The following BMP2K variants were observed in gnomAD, a reference collection of about 807,000 sequenced individuals.
BMP2K encodes BMP-2-inducible protein kinase.
A neutral mutation model predicts 116.0 loss-of-function variants in BMP2K; 74 were observed. The observed-to-expected ratio is 0.64, with a 90% CI of 0.53 to 0.77. BMP2K has a LOEUF of 0.77. Ranked by LOEUF, BMP2K falls within the 30% of genes least tolerant of loss-of-function variation. The pLI is 0.00. For missense variants in BMP2K, 1,365 were observed against 1,403.6 expected (o/e 0.97, Z 0.44); for synonymous variants, 486 against 502.5 (o/e 0.97, Z 0.44).
intron 1 of BMP2K, among the ~76,000 whole-genome samples, chr4:78,803,912 A>C (rs1439593738): frequency 6.6e-6 from 1 of 152,160 alleles, no homozygotes; most frequent in Non-Finnish European, 1.5e-5. Flanking sequence ...AGTTATATAG[A>C]ACTAGTTTCA....
intron 4 of BMP2K, among the ~76,000 whole-genome samples, chr4:78,843,582 AAG>A (rs1189238681): frequency 3.9e-5 from 6 of 151,926 alleles, no homozygotes; most frequent in African/African-American, 1.4e-4. Flanking sequence ...TGTAAGATAA[AAG>A]AGAAAATGTC....
intron 7 of BMP2K, among the ~76,000 whole-genome samples, chr4:78,855,613 T>A (rs1167709765): frequency 6.6e-6 from 1 of 152,176 alleles, no homozygotes; most frequent in African/African-American, 2.4e-5. Context: ...TTTGTTGGAA[T>A]GTGCAGGGAT....
chr4:78,834,980 T>C (rs565569814), intron 3 of BMP2K, among the ~76,000 whole-genome samples: 67 of 152,338 alleles, frequency 4.4e-4, no homozygotes, highest in African/African-American at 1.6e-3. Context: ...GCTGATTTTT[T>C]TCTACCCCAT....
chr4:78,861,883 G>A (rs1239177421), intron 9 of BMP2K, among the ~76,000 whole-genome samples: 2 of 151,876 alleles, frequency 1.3e-5, no homozygotes, highest in African/African-American at 4.8e-5. Flanking sequence ...GTACTTTGTA[G>A]AATTTGTAAT....
rs75629339 is a variant in BMP2K at position 78,845,572 on chromosome 4, C to G, written c.668+523C>G. On this transcript the variant is annotated intron_variant, in intron 5 of 15. Coordinates refer to ENST00000502613, the MANE Select transcript of BMP2K (RefSeq NM_198892.2). Reference sequence around the variant, plus strand: ...AAATATGTCATATCTACTTTATGTTCTCTTAATCCGGTGCTTTCTGTGGTT... The same window carrying G: ...AAATATGTCATATCTACTTTATGTTGTCTTAATCCGGTGCTTTCTGTGGTT... Among the ~76,000 whole-genome samples, 858 of 151,684 alleles carry G rather than the reference C, an allele frequency of 5.7e-3. 12 individuals are homozygous for G. The highest frequency in any genetic ancestry group is 0.02 in the African/African-American group (813 of 41,488).
chr4:78,840,771 T>C (rs929146294), intron 3 of BMP2K, among the ~76,000 whole-genome samples: 2 of 152,204 alleles, frequency 1.3e-5, no homozygotes, highest in Admixed American at 6.5e-5. Context: ...TGAGGATTTC[T>C]ACTTCAAAGG....
At chr4:78,822,673 T>G (rs1341453651) in intron 1 of BMP2K, among the ~76,000 whole-genome samples, 1 of 152,130 alleles carries the variant, frequency 6.6e-6, no homozygotes, top group Non-Finnish European at 1.5e-5. Context: ...GTAACAACTA[T>G]GCTTTACAGT....
intron 1 of BMP2K, among the ~76,000 whole-genome samples, chr4:78,788,150 C>G (rs1727818505): frequency 6.6e-6 from 1 of 152,026 alleles, no homozygotes; most frequent in African/African-American, 2.4e-5. Context: ...GCCTGCATCA[C>G]AGACTCTCTT....
At chr4:78,825,597 T>G (rs1453707616) in intron 1 of BMP2K, among the ~76,000 whole-genome samples, 6 of 152,252 alleles carry the variant, frequency 3.9e-5, no homozygotes, top group Non-Finnish European at 5.9e-5. Flanking sequence ...AGAATAATAT[T>G]GGTTCATCTT....
At chr4:78,877,610 C>T (rs1254703546) in intron 13 of BMP2K, among the ~76,000 whole-genome samples, 1 of 152,100 alleles carries the variant, frequency 6.6e-6, no homozygotes, top group Admixed American at 6.5e-5. Flanking sequence ...AAAGGACCTG[C>T]CTGAGGCTGT....
chr4:78,809,315 CTTTTAG>C (rs1728969273), intron 1 of BMP2K, among the ~76,000 whole-genome samples: 1 of 151,346 alleles, frequency 6.6e-6, no homozygotes, highest in African/African-American at 2.4e-5. Flanking sequence ...TGTTACCATC[CTTTTAG>C]TTTTAATCTA....
At chr4:78,850,463 G>A (rs1013803472) in intron 6 of BMP2K, among the ~76,000 whole-genome samples, 1 of 151,854 alleles carries the variant, frequency 6.6e-6, no homozygotes, top group Non-Finnish European at 1.5e-5. Context: ...CTGGTAAATA[G>A]TAAGAATTTA....
At chr4:78,842,166 T>TA (rs1440101148) in intron 3 of BMP2K, among the ~76,000 whole-genome samples, 11 of 152,068 alleles carry the variant, frequency 7.2e-5, no homozygotes, top group African/African-American at 2.7e-4. Context: ...ATAGCATTAA[T>TA]AAGACATTTA....
intron 1 of BMP2K, among the ~76,000 whole-genome samples, chr4:78,796,509 A>C (rs1249964484): frequency 6.6e-6 from 1 of 152,130 alleles, no homozygotes; most frequent in Non-Finnish European, 1.5e-5. Context: ...CACAATGTGC[A>C]CATGTACCCT....
chr4:78,845,262 CAG>C (rs1006751465), intron 5 of BMP2K, among the ~76,000 whole-genome samples: 2 of 151,412 alleles, frequency 1.3e-5, no homozygotes, highest in African/African-American at 4.8e-5. Context: ...ACATTGTAAA[CAG>C]ATTTGTAAAA....
At chr4:78,895,627 T>G in intron 15 of BMP2K, among the ~76,000 whole-genome samples, 1 of 151,996 alleles carries the variant, frequency 6.6e-6, no homozygotes, top group Non-Finnish European at 1.5e-5. Flanking sequence ...ATCTATAGAT[T>G]TATTAATGGA....
At chr4:78,818,675 G>A (rs1432692489) in intron 1 of BMP2K, among the ~76,000 whole-genome samples, 1 of 152,006 alleles carries the variant, frequency 6.6e-6, no homozygotes, top group Non-Finnish European at 1.5e-5. Flanking sequence ...GTTAAGTATA[G>A]TCTCCTTGAA....
At chr4:78,826,201 T>TTTTTTA (rs745653819) in intron 2 of BMP2K, 46 bp downstream of exon 2, 1 of 1,487,520 alleles carries the variant, frequency 6.7e-7, no homozygotes, top group Non-Finnish European at 9.4e-7. Flanking sequence ...CAAGTTTTTA[T>TTTTTTA]TTTTTATTTT....
chr4:78,779,689 G>C (rs1406683656), intron 1 of BMP2K, among the ~76,000 whole-genome samples: 2 of 152,128 alleles, frequency 1.3e-5, no homozygotes, highest in Non-Finnish European at 2.9e-5. Context: ...CTTTGTTATA[G>C]GTAGATATGT....
Sources: gnomAD v4.1 joint callset for allele counts (sites outside exome capture counted in the v4.1 genomes callset) on GRCh38, gnomAD v4.1.1 for gene constraint, MANE v1.5 for transcripts, NCBI Gene and HGNC (gene_info 2026-07-23, HGNC 2026-07-21) for gene names.